Variants in ZNF560 observed in about 807,000 individuals in gnomAD.
ZNF560 encodes the protein zinc finger protein 560.
Under a neutral mutation model 81.8 loss-of-function variants are expected in ZNF560, and 54 were observed. The ratio of observed to expected loss-of-function variants is 0.66; its 90% CI spans 0.53 to 0.83. ZNF560 has a LOEUF of 0.83. Ranked by LOEUF, ZNF560 falls within the 40% of genes least tolerant of loss-of-function variation. The pLI is 0.00. For missense variants in ZNF560, 940 were observed against 932.4 expected (o/e 1.01, Z -0.11); for synonymous variants, 321 against 317.9 (o/e 1.01, Z -0.10).
the ZNF560 span, among the ~76,000 whole-genome samples, chr19:9,450,648 GC>G: frequency 6.6e-6 from 1 of 152,112 alleles, no homozygotes. Flanking sequence ...CTGCACATCA[GC>G]CTCCCGAGTA....
chr19:9,473,210 C>A lies in ZNF560; in HGVS notation c.207G>T (p.Glu69Asp). The A allele has an allele frequency of 6.2e-7, 1 of 1,613,656 alleles. No individual in the cohort carries two copies. Among genetic ancestry groups the A allele is most frequent in the Non-Finnish European group, 8.5e-7 (1 of 1,179,810 alleles). Residue 69 changes from glutamate (E) to aspartate (D), a missense_variant, in exon 5 of 10, where the codon GAG (glutamate) becomes GAT (aspartate). Physicochemically the swap from Glu to Asp is conservative, Grantham distance 45. Transcript: ENST00000301480. ...PSVISWLEEE[E>D]LRTLQQGVLQ... Reference sequence around the variant, plus strand: ...GAACTCCTTGCTGCAAGGTTCTCAACTCTTCTTCTTCCAACCAAGAGATGA... The same window carrying A: ...GAACTCCTTGCTGCAAGGTTCTCAAATCTTCTTCTTCCAACCAAGAGATGA...
intron 5 of ZNF560, among the ~76,000 whole-genome samples, 186 bp downstream of exon 5, chr19:9,472,993 C>T (rs1172095158): frequency 1.3e-5 from 2 of 152,190 alleles, no homozygotes; most frequent in Admixed American, 1.3e-4. Flanking sequence ...GAGGCTCTCA[C>T]CTGAAGCAGA....
chr19:9,465,713 C>T (rs2073004287), downstream of ZNF560, among the ~76,000 whole-genome samples: 1 of 152,168 alleles, frequency 6.6e-6, no homozygotes, highest in African/African-American at 2.4e-5. Context: ...GGTTTCTTGG[C>T]CAGGCGCGAT....
chr19:9,460,555 G>A, the ZNF560 span, among the ~76,000 whole-genome samples: 2 of 152,068 alleles, frequency 1.3e-5, no homozygotes, highest in African/African-American at 2.4e-5. Flanking sequence ...ACCCACACAG[G>A]GAAGGAACTG....
At chr19:9,481,708 T>C (rs559371742) in intron 2 of ZNF560, among the ~76,000 whole-genome samples, 6 of 152,142 alleles carry the variant, frequency 3.9e-5, no homozygotes, top group Middle Eastern at 3.4e-3. Context: ...GAAATGCAAA[T>C]CAAAACCACA....
chr19:9,453,029 T>G, the ZNF560 span, among the ~76,000 whole-genome samples: 1 of 152,178 alleles, frequency 6.6e-6, no homozygotes, highest in Non-Finnish European at 1.5e-5. Context: ...GAATCCCAAC[T>G]CCTAAGGTGT....
At chr19:9,494,255 G>A (rs1370898272) in intron 2 of ZNF560, among the ~76,000 whole-genome samples, 1 of 151,900 alleles carries the variant, frequency 6.6e-6, no homozygotes, top group Non-Finnish European at 1.5e-5. Flanking sequence ...ACCATTATAA[G>A]AGAATCAAAG....
At chr19:9,501,943 AG>A (rs755655829), upstream of ZNF560, among the ~76,000 whole-genome samples, 20 of 151,854 alleles carry the variant, frequency 1.3e-4, no homozygotes, top group Non-Finnish European at 2.1e-4. Flanking sequence ...ACTTGAAGTC[AG>A]GACTTTGAGA....
downstream of ZNF560, among the ~76,000 whole-genome samples, chr19:9,462,255 C>T (rs543669931): frequency 6.8e-4 from 104 of 152,324 alleles, no homozygotes; most frequent in Admixed American, 1.2e-3. Context: ...AGAATGAGGG[C>T]AAGGAACACC....
downstream of ZNF560, among the ~76,000 whole-genome samples, chr19:9,463,379 A>C (rs747991421): frequency 2.5e-4 from 38 of 152,184 alleles, no homozygotes; most frequent in Non-Finnish European, 5.0e-4. Context: ...AGGCCAACCT[A>C]CAGTATTGAC....
At chr19:9,462,643 A>G (rs1358389138), downstream of ZNF560, among the ~76,000 whole-genome samples, 3 of 151,904 alleles carry the variant, frequency 2.0e-5, no homozygotes, top group East Asian at 5.8e-4. Context: ...AAATCTTTAC[A>G]CTATAGGTAT....
At chr19:9,505,095 T>A in the ZNF560 span, among the ~76,000 whole-genome samples, 1 of 152,024 alleles carries the variant, frequency 6.6e-6, no homozygotes, top group Non-Finnish European at 1.5e-5. Context: ...AAAAAATAAA[T>A]AAATAAATAA....
chr19:9,457,504 A>G, the ZNF560 span, among the ~76,000 whole-genome samples: 18 of 152,366 alleles, frequency 1.2e-4, no homozygotes, highest in Admixed American at 5.9e-4. Flanking sequence ...CCTACTCATA[A>G]AAGATTTTCA....
chr19:9,470,513 C>G lies in ZNF560; in HGVS notation c.327G>C (p.Leu109=), dbSNP rs2073104987. The G allele has an allele frequency of 1.2e-6, 2 of 1,614,038 alleles. No homozygotes were observed. ...IQTSNGIQMD[L]VTFDSVAVEF... ...CCACAGCCACACTGTCAAAGGTTAC[C>G]AGGTCCTAAACCATCAGACACATGC... Residue 109 remains leucine, a synonymous_variant, in exon 7 of 10, where the codon CTG becomes CTC. Transcript: ENST00000301480.
chr19:9,467,572 G>T lies in ZNF560; in HGVS notation c.1375C>A (p.Pro459Thr). The change falls in exon 10 of 10, where the codon CCA becomes ACA. Residue 459 changes from proline (P) to threonine (T), a missense_variant. Transcript: ENST00000301480. Reference sequence around the variant, plus strand: ...TTCCCATATTCCTTATGCTCATATGGCTTCTCTCCATTATGAACTCTCAAA... The same window carrying T: ...TTCCCATATTCCTTATGCTCATATGTCTTCTCTCCATTATGAACTCTCAAA... ...GHLRVHNGEK[P>T]YEHKEYGKAF... The T allele has an allele frequency of 6.2e-7, 1 of 1,614,066 alleles. No homozygotes were observed. Among genetic ancestry groups the T allele is most frequent in the Non-Finnish European group, 8.5e-7 (1 of 1,180,024 alleles).
At chr19:9,498,087 A>C (rs921944802) in intron 2 of ZNF560, 41 bp downstream of exon 2, 22 of 152,206 alleles carry the variant, frequency 1.4e-4, no homozygotes, top group African/African-American at 5.3e-4. Flanking sequence ...ATAAAAAAGG[A>C]AGCAGCTGCC....
upstream of ZNF560, among the ~76,000 whole-genome samples, chr19:9,501,568 C>T (rs1056034873): frequency 1.2e-4 from 18 of 151,658 alleles, no homozygotes; most frequent in African/African-American, 4.3e-4. Flanking sequence ...ACCATGTTGG[C>T]CAGGCTGGTC....
chr19:9,469,027 C>G (rs1044511583), intron 9 of ZNF560, 78 bp downstream of exon 9: 2 of 1,187,552 alleles, frequency 1.7e-6, no homozygotes, highest in Non-Finnish European at 2.4e-6. Flanking sequence ...CGTGCCTGGC[C>G]ATTTCTGCTG....
the ZNF560 span, among the ~76,000 whole-genome samples, chr19:9,505,074 C>G: frequency 2.6e-5 from 4 of 151,960 alleles, no homozygotes; most frequent in South Asian, 2.1e-4. Flanking sequence ...ACATAGTGAG[C>G]CTTTGTCTCA....
Sources: gnomAD v4.1 joint callset for allele counts (sites outside exome capture counted in the v4.1 genomes callset) on GRCh38, gnomAD v4.1.1 for gene constraint, MANE v1.5 for transcripts, NCBI Gene and HGNC (gene_info 2026-07-23, HGNC 2026-07-21) for gene names.